The following PITPNC1 variants were observed in gnomAD, a reference collection of about 807,000 sequenced individuals.
PITPNC1 encodes cytoplasmic phosphatidylinositol transfer protein 1.
PITPNC1 carries 18 observed loss-of-function variants against 44.7 expected under a neutral mutation model. The ratio of observed to expected loss-of-function variants is 0.40; its 90% CI spans 0.28 to 0.60. PITPNC1 has a LOEUF of 0.60. Ranked by LOEUF, PITPNC1 falls within the 20% of genes least tolerant of loss-of-function variation. The pLI, the probability that PITPNC1 is intolerant of heterozygous loss-of-function variation, is 0.39. For missense variants in PITPNC1, 290 were observed against 418.4 expected, an observed-to-expected ratio of 0.69 and a Z score of 2.68; for synonymous variants, 141 against 149.6, an observed-to-expected ratio of 0.94 and a Z score of 0.42.
rs764961336 is a variant in PITPNC1 at position 67,632,149 on chromosome 17, G to A, written c.373G>A (p.Asp125Asn). The A allele has an allele frequency of 1.4e-5, 23 of 1,608,556 alleles. No homozygotes were observed. Among genetic ancestry groups the A allele is most frequent in the South Asian group, 2.2e-5 (2 of 90,880 alleles). The change falls in exon 6 of 9, where the codon GAC becomes AAC. Residue 125 changes from aspartate to asparagine, a missense_variant. Coordinates refer to ENST00000581322, the MANE Select transcript of PITPNC1 (RefSeq NM_012417.4). ...TGTTGCTCTGCTTTTTCAGATTTTC[G>A]ACAATGAAGCCAAAGACGTGGAGAG... ...DNKGSNDTIF[D>N]NEAKDVEREV...
At chr17:67,550,754 C>T (rs1231931242) in intron 2 of PITPNC1, among the ~76,000 whole-genome samples, 1 of 152,058 alleles carries the variant, frequency 6.6e-6, no homozygotes, top group Non-Finnish European at 1.5e-5. Flanking sequence ...ACTTGGTTAT[C>T]GGGCTGGAAT....
At chr17:67,562,105 A>C (rs1010602721) in intron 4 of PITPNC1, among the ~76,000 whole-genome samples, 4 of 152,220 alleles carry the variant, frequency 2.6e-5, no homozygotes, top group Non-Finnish European at 5.9e-5. Context: ...GTAGCAAACC[A>C]TCCCCCATTC....
At chr17:67,385,526 T>TGCTCTTTTGCTGTTC (rs2038031393) in intron 1 of PITPNC1, among the ~76,000 whole-genome samples, 1 of 143,190 alleles carries the variant, frequency 7.0e-6, no homozygotes, top group African/African-American at 2.5e-5. Context: ...GTGGAAGCTT[T>TGCTCTTTTGCTGTTC]GCTCTTTTGC....
At chr17:67,436,379 C>T (rs751289504) in intron 1 of PITPNC1, among the ~76,000 whole-genome samples, 11 of 151,962 alleles carry the variant, frequency 7.2e-5, no homozygotes, top group African/African-American at 1.9e-4. Context: ...CTTATCTAAG[C>T]GACAATCTGA....
At chr17:67,414,095 A>G (rs1217392438) in intron 1 of PITPNC1, among the ~76,000 whole-genome samples, 1 of 117,412 alleles carries the variant, frequency 8.5e-6, no homozygotes, top group Non-Finnish European at 1.8e-5. Context: ...ATGAGTTTGA[A>G]CTGAAAAAAA....
At chr17:67,547,919 T>C (rs1393202999) in intron 2 of PITPNC1, among the ~76,000 whole-genome samples, 1 of 152,198 alleles carries the variant, frequency 6.6e-6, no homozygotes, top group African/African-American at 2.4e-5. Context: ...AAAACCTTGT[T>C]GCTGCTGATG....
chr17:67,571,815 C>G (rs1177767284), intron 4 of PITPNC1, among the ~76,000 whole-genome samples: 1 of 152,226 alleles, frequency 6.6e-6, no homozygotes, highest in African/African-American at 2.4e-5. Context: ...GAGTGACTGA[C>G]TGTCTTGTCT....
At chr17:67,440,935 A>G in intron 1 of PITPNC1, among the ~76,000 whole-genome samples, 1 of 152,104 alleles carries the variant, frequency 6.6e-6, no homozygotes, top group South Asian at 2.1e-4. Context: ...AATAAACAAC[A>G]GCTTTAAATA....
At position 67,488,599 on chromosome 17, in the gene PITPNC1, T is replaced by C. The variant is rs868082096; in HGVS notation, c.49-44203T>C. 4.6e-5 allele frequency among the ~76,000 whole-genome samples: 7 copies of C among 152,366 alleles called. No individual in the cohort carries two copies. In the South Asian group the frequency reaches 1.0e-3, roughly 23 times the overall value. ...TGGAGATAAGACATGTAACAAAATT[T>C]ACCATCTTAACCATTTTTAAATGTA... On this transcript the variant is annotated intron_variant, in intron 1 of 8. Transcript: ENST00000581322.
chr17:67,680,729 A>G (rs2042688114), intron 8 of PITPNC1, among the ~76,000 whole-genome samples: 1 of 152,236 alleles, frequency 6.6e-6, no homozygotes, highest in Admixed American at 6.5e-5. Flanking sequence ...GAGTCACCCT[A>G]AGCTTTTTGT....
chr17:67,506,561 A>G (rs2144079898), intron 1 of PITPNC1, among the ~76,000 whole-genome samples: 1 of 152,306 alleles, frequency 6.6e-6, no homozygotes, highest in South Asian at 2.1e-4. Context: ...TATCTGAATG[A>G]TCATGTAAAT....
intron 6 of PITPNC1, among the ~76,000 whole-genome samples, chr17:67,644,425 A>ATTTTTT (rs750245444): frequency 1.8e-5 from 2 of 108,974 alleles, no homozygotes; most frequent in African/African-American, 4.1e-5. Flanking sequence ...TCCCTCTGTA[A>ATTTTTT]TTTTTTTTTT....
intron 8 of PITPNC1, among the ~76,000 whole-genome samples, chr17:67,679,523 A>G (rs1163163235): frequency 6.6e-6 from 1 of 152,210 alleles, no homozygotes; most frequent in African/African-American, 2.4e-5. Flanking sequence ...AATTAGACAC[A>G]CCACCTCCAG....
chr17:67,631,504 C>T (rs1400488266), intron 5 of PITPNC1, among the ~76,000 whole-genome samples: 5 of 136,856 alleles, frequency 3.7e-5, no homozygotes, highest in African/African-American at 1.1e-4. Context: ...TGGTGGGCGC[C>T]TGTAATCCCA....
At position 67,377,817 on chromosome 17, in the gene PITPNC1, C is replaced by T. The variant is rs1208399437; in HGVS notation, c.-338C>T. On this transcript the variant is annotated 5_prime_UTR_variant, in exon 1 of 9. Transcript: ENST00000581322. Reference sequence around the variant, plus strand: ...CTCCCTCGCTCGCTGCCGGGCATGTCCTGATCTGGCGGCCGCTCCTACCAC... The same window carrying T: ...CTCCCTCGCTCGCTGCCGGGCATGTTCTGATCTGGCGGCCGCTCCTACCAC... 3.3e-6 allele frequency: 1 copy of T among 303,564 alleles called. No homozygotes were observed. Among genetic ancestry groups the T allele is most frequent in the African/African-American group, 2.2e-5 (1 of 45,912 alleles). 18.8% of individuals were successfully genotyped at this position (303,564 alleles called of 1,614,324 possible). A position where few individuals can be genotyped will look rare whatever the true frequency, so the allele number is the denominator to read the frequency against.
chr17:67,440,346 C>G (rs1195636356), intron 1 of PITPNC1, among the ~76,000 whole-genome samples: 1 of 152,048 alleles, frequency 6.6e-6, no homozygotes, highest in Non-Finnish European at 1.5e-5. Context: ...ATCATCTAGA[C>G]CTCAAAAGGA....
chr17:67,455,657 G>T (rs1356233987), intron 1 of PITPNC1, among the ~76,000 whole-genome samples: 1 of 151,900 alleles, frequency 6.6e-6, no homozygotes, highest in East Asian at 1.9e-4. Flanking sequence ...GGCCAGACTG[G>T]TCTCGAACTG....
At chr17:67,653,986 A>G (rs571561490) in intron 6 of PITPNC1, among the ~76,000 whole-genome samples, 2 of 152,288 alleles carry the variant, frequency 1.3e-5, no homozygotes, top group South Asian at 4.1e-4. Context: ...GCACCGTTCA[A>G]GGAGGGCCCC....
intron 1 of PITPNC1, among the ~76,000 whole-genome samples, chr17:67,425,946 G>A (rs1009890283): frequency 6.6e-6 from 1 of 152,168 alleles, no homozygotes; most frequent in Non-Finnish European, 1.5e-5. Context: ...AGACAATAGG[G>A]TCAAGGAGTG....
Sources: gnomAD v4.1 joint callset for allele counts (sites outside exome capture counted in the v4.1 genomes callset) on GRCh38, gnomAD v4.1.1 for gene constraint, MANE v1.5 for transcripts, NCBI Gene and HGNC (gene_info 2026-07-23, HGNC 2026-07-21) for gene names.